The following GRM8 variants were observed in gnomAD, a reference collection of about 807,000 sequenced individuals.
GRM8 encodes metabotropic glutamate receptor 8.
Under a neutral mutation model 87.2 loss-of-function variants are expected in GRM8, and 47 were observed. That is an observed-to-expected ratio of 0.54 (90% CI 0.43 to 0.69). The LOEUF (loss-of-function observed/expected upper bound fraction) is 0.69, where lower values mean the gene tolerates loss of function less well. GRM8 is among the 30% of genes least tolerant of loss of function. The pLI is 0.00. For synonymous variants in GRM8, 396 were observed against 404.5 expected (o/e 0.98, Z 0.25); for missense variants, 1,019 against 1,139.2 (o/e 0.89, Z 1.52).
chr7:126,594,102 G>T (rs188261782), intron 8 of GRM8, among the ~76,000 whole-genome samples: 1 of 152,028 alleles, frequency 6.6e-6, no homozygotes, highest in East Asian at 1.9e-4. Flanking sequence ...GTATTAGTGA[G>T]GATATGGAGA....
At chr7:126,824,811 G>A (rs1341514140) in intron 6 of GRM8, among the ~76,000 whole-genome samples, 2 of 152,028 alleles carry the variant, frequency 1.3e-5, no homozygotes, top group African/African-American at 4.8e-5. Flanking sequence ...GAATCTTTTG[G>A]CTTTCATGAA....
At chr7:126,656,287 C>T (rs1266753685) in intron 7 of GRM8, among the ~76,000 whole-genome samples, 2 of 152,274 alleles carry the variant, frequency 1.3e-5, no homozygotes, top group South Asian at 2.1e-4. Flanking sequence ...GGGGCTTAGG[C>T]AAAAGCCAGC....
intron 6 of GRM8, among the ~76,000 whole-genome samples, chr7:126,829,820 T>C (rs1404543767): frequency 1.3e-5 from 2 of 152,228 alleles, no homozygotes; most frequent in Non-Finnish European, 2.9e-5. Context: ...TATTTTGGCA[T>C]GATTTTGCAG....
chr7:126,903,753 GTGTATATATATA>G (rs1563300777), intron 5 of GRM8, among the ~76,000 whole-genome samples: 27 of 109,738 alleles, frequency 2.5e-4, no homozygotes, highest in South Asian at 1.4e-3. Context: ...ATATGTATAT[GTGTATATATATA>G]TGTGTGTGTG....
intron 3 of GRM8, among the ~76,000 whole-genome samples, chr7:127,024,507 C>T (rs1220680913): frequency 1.3e-5 from 2 of 152,050 alleles, no homozygotes; most frequent in African/African-American, 2.4e-5. Context: ...TGTTTCCACA[C>T]TCGTCCTGTC....
At chr7:126,837,940 G>T (rs895477603) in intron 6 of GRM8, among the ~76,000 whole-genome samples, 1 of 152,140 alleles carries the variant, frequency 6.6e-6, no homozygotes, top group Non-Finnish European at 1.5e-5. Context: ...AATCAAAGAC[G>T]TGTAGTGCTT....
In GRM8 at chr7:127,243,058, C is replaced by T. The variant is rs144239261; in HGVS notation, c.147G>A (p.Gly49=). ...SIRVDGDIIL[G]GLFPVHAKGE... ...CCTTTGCGTGGACAGGGAAGAGACC[C>T]CCCAAAATAATGTCCCCATCCACCC... Residue 49 remains glycine (G), a synonymous_variant, in exon 2 of 11, where the codon GGG becomes GGA. Coordinates refer to ENST00000339582, the MANE Select transcript of GRM8 (RefSeq NM_000845.3). 2 of 1,613,928 alleles carry T rather than the reference C, an allele frequency of 1.2e-6. No individual in the cohort carries two copies. The highest frequency in any genetic ancestry group is 1.7e-6 in the Non-Finnish European group (2 of 1,179,996).
intron 2 of GRM8, among the ~76,000 whole-genome samples, chr7:127,218,958 T>C (rs1796745244): frequency 6.6e-6 from 1 of 152,228 alleles, no homozygotes; most frequent in African/African-American, 2.4e-5. Flanking sequence ...TCCCATCCTT[T>C]AATCCTCAAA....
chr7:126,955,498 G>A (rs972884585), intron 3 of GRM8, among the ~76,000 whole-genome samples: 11 of 152,184 alleles, frequency 7.2e-5, no homozygotes, highest in Non-Finnish European at 1.3e-4. Context: ...CAAGTCACCA[G>A]TTACGCCAGC....
At chr7:126,649,839 T>C (rs1308000090) in intron 7 of GRM8, among the ~76,000 whole-genome samples, 1 of 152,132 alleles carries the variant, frequency 6.6e-6, no homozygotes, top group Non-Finnish European at 1.5e-5. Flanking sequence ...CAGGCTGCTG[T>C]GCAAGCTGCT....
At chr7:126,783,545 C>T (rs1820321369) in intron 6 of GRM8, among the ~76,000 whole-genome samples, 1 of 152,084 alleles carries the variant, frequency 6.6e-6, no homozygotes, top group Non-Finnish European at 1.5e-5. Context: ...TTCATATAGG[C>T]CATGGCCTAT....
chr7:126,468,014 C>A (rs1804707903), intron 9 of GRM8, among the ~76,000 whole-genome samples: 1 of 151,938 alleles, frequency 6.6e-6, no homozygotes. Flanking sequence ...CATCTATAAA[C>A]CTTTTATAAC....
chr7:126,594,324 G>GT (rs1445489569), intron 8 of GRM8, among the ~76,000 whole-genome samples: 2 of 152,040 alleles, frequency 1.3e-5, no homozygotes, highest in African/African-American at 2.4e-5. Flanking sequence ...TAGTCAAGAT[G>GT]TAGAATCAAC....
chr7:127,070,561 C>T (rs1821575298), intron 3 of GRM8, among the ~76,000 whole-genome samples: 1 of 152,024 alleles, frequency 6.6e-6, no homozygotes. Flanking sequence ...TTCAAGTCAC[C>T]ATAAACCATG....
intron 2 of GRM8, among the ~76,000 whole-genome samples, chr7:127,171,239 T>C (rs763155643): frequency 3.3e-5 from 5 of 152,200 alleles, no homozygotes; most frequent in Non-Finnish European, 7.3e-5. Context: ...TTCTTATGGA[T>C]GAGCAAAGAA....
intron 1 of GRM8, chr7:127,251,223 G>A (rs377348147): frequency 6.6e-6 from 1 of 152,188 alleles, no homozygotes. Flanking sequence ...TTTGGGCCAC[G>A]GGGGAAGTAA....
At chr7:126,692,235 G>C (rs1808901771) in intron 7 of GRM8, among the ~76,000 whole-genome samples, 1 of 152,210 alleles carries the variant, frequency 6.6e-6, no homozygotes, top group African/African-American at 2.4e-5. Flanking sequence ...TATCACTAAA[G>C]TTATAAACAC....
intron 3 of GRM8, among the ~76,000 whole-genome samples, chr7:127,011,472 G>A (rs1299759027): frequency 6.6e-6 from 1 of 152,074 alleles, no homozygotes; most frequent in Non-Finnish European, 1.5e-5. Flanking sequence ...TTGTGATCAT[G>A]ATATATAATG....
intron 8 of GRM8, among the ~76,000 whole-genome samples, chr7:126,582,411 T>C (rs563296123): frequency 6.6e-6 from 1 of 152,236 alleles, no homozygotes; most frequent in African/African-American, 2.4e-5. Context: ...TCATGAGATT[T>C]AAGGAACAAA....
Sources: allele counts gnomAD v4.1 joint callset (sites outside exome capture counted in the v4.1 genomes callset), GRCh38; gene constraint gnomAD v4.1.1; transcripts MANE v1.5; gene names NCBI Gene and HGNC (gene_info 2026-07-23, HGNC 2026-07-21).